CIMIP6: variants seen among roughly 807,000 people sequenced by gnomAD.
The protein encoded by CIMIP6 is ciliary microtubule inner protein 6.
the CIMIP6 span, among the ~76,000 whole-genome samples, chr2:54,343,020 G>A: frequency 6.6e-6 from 1 of 152,108 alleles, no homozygotes; most frequent in African/African-American, 2.4e-5. Flanking sequence ...CCTTTCTTGT[G>A]TACTTAGGTT....
the CIMIP6 span, among the ~76,000 whole-genome samples, chr2:54,343,134 G>A: frequency 1.8e-4 from 27 of 152,288 alleles, no homozygotes; most frequent in East Asian, 2.7e-3. Flanking sequence ...AGTCAGCAAC[G>A]TGAAATGAAA....
the CIMIP6 span, chr2:54,382,013 A>G: frequency 6.6e-7 from 1 of 1,516,114 alleles, no homozygotes; most frequent in African/African-American, 1.4e-5. Context: ...CATTTTTATA[A>G]TGAGGAAGCT....
chr2:54,357,551 G>A, the CIMIP6 span, among the ~76,000 whole-genome samples: 4 of 148,826 alleles, frequency 2.7e-5, no homozygotes, highest in South Asian at 2.1e-4. Flanking sequence ...TCACAGATAT[G>A]TTCGTTGTAC....
chr2:54,341,001 C>A, the CIMIP6 span, among the ~76,000 whole-genome samples: 2 of 152,092 alleles, frequency 1.3e-5, no homozygotes, highest in Non-Finnish European at 2.9e-5. Context: ...TAATTAAAGT[C>A]CATCAGCCAT....
At chr2:54,333,397 G>A in the CIMIP6 span, among the ~76,000 whole-genome samples, 1 of 152,198 alleles carries the variant, frequency 6.6e-6, no homozygotes, top group Non-Finnish European at 1.5e-5. Context: ...TGTCCAGGCA[G>A]AGCGAACAGC....
chr2:54,346,077 A>G, the CIMIP6 span, among the ~76,000 whole-genome samples: 2 of 145,134 alleles, frequency 1.4e-5, no homozygotes, highest in African/African-American at 5.1e-5. Flanking sequence ...CTGAGAAGGA[A>G]ATGAAGTCCT....
the CIMIP6 span, among the ~76,000 whole-genome samples, chr2:54,335,547 A>G: frequency 6.6e-6 from 1 of 152,236 alleles, no homozygotes; most frequent in African/African-American, 2.4e-5. Context: ...AGCAAATGTC[A>G]CAGTCATATT....
At chr2:54,343,702 C>T in the CIMIP6 span, 1 of 1,551,392 alleles carries the variant, frequency 6.4e-7, no homozygotes, top group African/African-American at 1.4e-5. Flanking sequence ...ATTGTGTTTC[C>T]AATTATTTTC....
At chr2:54,356,143 T>TAAAAA in the CIMIP6 span, among the ~76,000 whole-genome samples, 18 of 136,654 alleles carry the variant, frequency 1.3e-4, no homozygotes, top group African/African-American at 4.1e-4. Flanking sequence ...CTTAAACTGT[T>TAAAAA]AAAAAAAAAA....
chr2:54,351,592 G>T, the CIMIP6 span, among the ~76,000 whole-genome samples: 1 of 152,078 alleles, frequency 6.6e-6, no homozygotes, highest in Non-Finnish European at 1.5e-5. Flanking sequence ...GGACACAAGG[G>T]AACAACAGAC....
the CIMIP6 span, chr2:54,358,927 T>C: frequency 8.9e-7 from 1 of 1,123,842 alleles, no homozygotes. Flanking sequence ...AATCTAATTT[T>C]TTGTCCTGAC....
chr2:54,352,742 C>T, the CIMIP6 span, among the ~76,000 whole-genome samples: 1 of 152,190 alleles, frequency 6.6e-6, no homozygotes, highest in Non-Finnish European at 1.5e-5. Context: ...AACCTACGCA[C>T]ATCTTCCCAT....
At chr2:54,370,304 C>T in the CIMIP6 span, among the ~76,000 whole-genome samples, 4 of 152,024 alleles carry the variant, frequency 2.6e-5, no homozygotes, top group African/African-American at 9.7e-5. Flanking sequence ...GTCAAAATTA[C>T]ATTTTCAGAG....
chr2:54,361,352 T>G, the CIMIP6 span: 1 of 152,190 alleles, frequency 6.6e-6, no homozygotes, highest in African/African-American at 2.4e-5. Flanking sequence ...TGGTAAGGAT[T>G]AATTCTACTT....
At chr2:54,353,892 T>G in the CIMIP6 span, among the ~76,000 whole-genome samples, 1 of 152,192 alleles carries the variant, frequency 6.6e-6, no homozygotes, top group Non-Finnish European at 1.5e-5. Context: ...TTTTACCTTA[T>G]GGGTTGTGTA....
the CIMIP6 span, chr2:54,344,003 G>A: frequency 1.2e-6 from 1 of 833,498 alleles, no homozygotes; most frequent in Non-Finnish European, 1.7e-6. Context: ...TACACACACA[G>A]CAAATACAGC....
At chr2:54,358,058 A>C in the CIMIP6 span, among the ~76,000 whole-genome samples, 1 of 152,236 alleles carries the variant, frequency 6.6e-6, no homozygotes, top group Non-Finnish European at 1.5e-5. Flanking sequence ...TACATGGAGC[A>C]CAGACCAATA....
At chr2:54,377,519 G>A in the CIMIP6 span, among the ~76,000 whole-genome samples, 1 of 152,078 alleles carries the variant, frequency 6.6e-6, no homozygotes, top group Non-Finnish European at 1.5e-5. Context: ...ATTCTCAGCT[G>A]GTTGTAAAAC....
chr2:54,377,953 A>T, the CIMIP6 span, among the ~76,000 whole-genome samples: 2 of 152,246 alleles, frequency 1.3e-5, no homozygotes, highest in South Asian at 4.1e-4. Flanking sequence ...AAGGGTTGAC[A>T]TACGTGAAAC....
Sources: gnomAD v4.1 joint callset for allele counts (sites outside exome capture counted in the v4.1 genomes callset) on GRCh38, gnomAD v4.1.1 for gene constraint, MANE v1.5 for transcripts, NCBI Gene and HGNC (gene_info 2026-07-23, HGNC 2026-07-21) for gene names.